GRB10: variants seen among roughly 807,000 people sequenced by gnomAD.
The protein encoded by GRB10 is growth factor receptor bound protein 10.
GRB10 carries 20 observed loss-of-function variants against 80.9 expected under a neutral mutation model. The ratio of observed to expected loss-of-function variants is 0.25; its 90% CI spans 0.17 to 0.36. The LOEUF (loss-of-function observed/expected upper bound fraction) is 0.36. GRB10 is among the 10% of genes least tolerant of loss of function. GRB10 has a pLI of 1.00. For missense variants in GRB10, 548 were observed against 747.7 expected, an observed-to-expected ratio of 0.73 and a Z score of 3.12; for synonymous variants, 291 against 291.5, an observed-to-expected ratio of 1.00 and a Z score of 0.02.
chr7:50,783,780 G>A (rs139389963), upstream of GRB10, among the ~76,000 whole-genome samples: 28 of 152,306 alleles, frequency 1.8e-4, 1 homozygote, highest in East Asian at 5.4e-3. Context: ...ATCCTATACT[G>A]CATTCACACA....
Position 50,592,887 on chromosome 7 carries a change from G to T in GRB10, c.*65C>A. The T allele has an allele frequency of 1.3e-6, 2 of 1,559,916 alleles. No homozygotes were observed. The highest frequency in any genetic ancestry group is 1.8e-6 in the Non-Finnish European group (2 of 1,131,894). The stretch of plus-strand genomic sequence containing the variant: ...GAATCGATGTGTGTTCTTCACCAAC[G>T]CACAGACCGCTTCTTCACTCCAGTG... On this transcript the variant is annotated 3_prime_UTR_variant, in exon 19 of 19. Transcript: ENST00000401949.
At chr7:50,619,952 A>G (rs1039177040) in intron 8 of GRB10, among the ~76,000 whole-genome samples, 7 of 152,196 alleles carry the variant, frequency 4.6e-5, no homozygotes, top group African/African-American at 1.7e-4. Flanking sequence ...ACGTACGCAC[A>G]CGCCTCCTTC....
chr7:50,687,221 G>T (rs1426627327), intron 5 of GRB10, among the ~76,000 whole-genome samples: 1 of 152,212 alleles, frequency 6.6e-6, no homozygotes, highest in African/African-American at 2.4e-5. Context: ...ATGCCAGATT[G>T]TCTTATTCCA....
intron 7 of GRB10, among the ~76,000 whole-genome samples, chr7:50,655,024 C>T (rs979800206): frequency 7.9e-5 from 12 of 152,182 alleles, no homozygotes; most frequent in Admixed American, 2.0e-4. Flanking sequence ...ACCCAAGCTG[C>T]GTTTGACTGC....
intron 5 of GRB10, among the ~76,000 whole-genome samples, chr7:50,684,017 G>A (rs1011625120): frequency 3.9e-5 from 6 of 152,140 alleles, no homozygotes; most frequent in Admixed American, 1.3e-4. Flanking sequence ...CAATCCTGCA[G>A]AACATGGCAG....
intron 5 of GRB10, among the ~76,000 whole-genome samples, chr7:50,694,388 T>C (rs2063195159): frequency 2.0e-5 from 3 of 152,212 alleles, no homozygotes; most frequent in East Asian, 1.9e-4. Context: ...CTGATACCAA[T>C]ACAAGAGTAG....
intron 7 of GRB10, among the ~76,000 whole-genome samples, chr7:50,649,153 G>A (rs1419783190): frequency 6.6e-6 from 1 of 152,160 alleles, no homozygotes; most frequent in African/African-American, 2.4e-5. Context: ...TGTGGACAGA[G>A]CAGTGAATAA....
intron 3 of GRB10, among the ~76,000 whole-genome samples, chr7:50,741,994 GA>G (rs1443430057): frequency 2.1e-4 from 31 of 150,522 alleles, no homozygotes; most frequent in African/African-American, 6.8e-4. Context: ...GAACATTACT[GA>G]AATTTTAATT....
At chr7:50,724,285 C>T (rs1304004520) in intron 4 of GRB10, among the ~76,000 whole-genome samples, 1 of 152,166 alleles carries the variant, frequency 6.6e-6, no homozygotes, top group African/African-American at 2.4e-5. Flanking sequence ...TTTTGCTGTC[C>T]CTGTCAACCT....
chr7:50,775,787 T>C (rs951207555), intron 2 of GRB10, among the ~76,000 whole-genome samples: 1 of 152,200 alleles, frequency 6.6e-6, no homozygotes, highest in Non-Finnish European at 1.5e-5. Context: ...CTTGCAGACT[T>C]AGCGCCATGT....
chr7:50,643,600 C>T (rs1309388664), intron 7 of GRB10, among the ~76,000 whole-genome samples: 5 of 152,150 alleles, frequency 3.3e-5, no homozygotes. Flanking sequence ...GATTTCAACC[C>T]TGCATCTTAT....
chr7:50,598,954 G>T (rs1238697901), intron 17 of GRB10, among the ~76,000 whole-genome samples: 3 of 128,506 alleles, frequency 2.3e-5, no homozygotes, highest in Non-Finnish European at 3.6e-5. Context: ...GGGCATGGCA[G>T]GGGGGGCATC....
intron 7 of GRB10, among the ~76,000 whole-genome samples, chr7:50,647,440 G>A (rs942301003): frequency 3.9e-5 from 6 of 152,208 alleles, no homozygotes; most frequent in South Asian, 2.1e-4. Context: ...GGGAGGGTGC[G>A]GATGTGCCCT....
chr7:50,663,470 C>T (rs1283026226), intron 7 of GRB10, among the ~76,000 whole-genome samples: 3 of 152,226 alleles, frequency 2.0e-5, no homozygotes, highest in African/African-American at 7.2e-5. Context: ...GGGATGAGTG[C>T]CATGTGACTA....
In GRB10 at chr7:50,595,441, A is replaced by C; in HGVS notation, c.1634T>G (p.Leu545Ter). ...TCTGAGAACATCAATACTTACAGGT[A>C]AGATCTGGAAATTTTTAATTTTCTG... ...HHQKIKNFQILPCEDDGQTFF... is the reference protein window; with the variant it reads ...HHQKIKNFQI Residue 545 changes from leucine (L) to a stop codon, truncating the protein, a stop_gained, in exon 18 of 19, where the codon TTA (leucine) becomes TGA (stop). Transcript: ENST00000401949. LOFTEE classifies it high-confidence loss of function. 1 of 1,510,106 alleles carries C rather than the reference A, an allele frequency of 6.6e-7. No individual in the cohort carries two copies. The highest frequency in any genetic ancestry group is 9.2e-7 in the Non-Finnish European group (1 of 1,085,222). 93.5% of individuals were successfully genotyped at this position (1,510,106 alleles called of 1,614,324 possible).
chr7:50,762,855 C>T (rs1387472666), intron 2 of GRB10, among the ~76,000 whole-genome samples: 9 of 152,200 alleles, frequency 5.9e-5, no homozygotes, highest in South Asian at 4.1e-4. Context: ...CAGTGGCTCA[C>T]GCCTGTAATC....
At chr7:50,686,878 C>T (rs2062158177) in intron 5 of GRB10, among the ~76,000 whole-genome samples, 2 of 152,132 alleles carry the variant, frequency 1.3e-5, no homozygotes, top group South Asian at 2.1e-4. Flanking sequence ...TGCCTCCTTA[C>T]GTTTTAATAA....
At chr7:50,747,329 C>T (rs554649100) in intron 3 of GRB10, among the ~76,000 whole-genome samples, 8 of 152,302 alleles carry the variant, frequency 5.3e-5, no homozygotes, top group South Asian at 2.1e-4. Context: ...AGGTCCCCAC[C>T]GTTCCCTCCA....
intron 7 of GRB10, chr7:50,645,662 A>C (rs1233695030): frequency 2.0e-6 from 2 of 983,676 alleles, no homozygotes; most frequent in African/African-American, 3.5e-5. Context: ...TCTGAAAGCA[A>C]ACGCCGTCGT....
Sources: gnomAD v4.1 joint callset for allele counts (sites outside exome capture counted in the v4.1 genomes callset) on GRCh38, gnomAD v4.1.1 for gene constraint, MANE v1.5 for transcripts, NCBI Gene and HGNC (gene_info 2026-07-23, HGNC 2026-07-21) for gene names.